TMTC4: variants seen among roughly 807,000 people sequenced by gnomAD.
The protein encoded by TMTC4 is transmembrane O-mannosyltransferase targeting cadherins 4, also known as protein O-mannosyl-transferase TMTC4.
In TMTC4, 65 loss-of-function variants were observed where a neutral mutation model predicts 86.0. That is an observed-to-expected ratio of 0.76 (90% CI 0.62 to 0.93). TMTC4 has a LOEUF of 0.93. Ranked by LOEUF, TMTC4 falls within the 40% of genes least tolerant of loss-of-function variation. The pLI is 0.00. For synonymous variants in TMTC4, 379 were observed against 382.5 expected (o/e 0.99, Z 0.11); for missense variants, 866 against 948.1 (o/e 0.91, Z 1.14).
chr13:100,658,419 T>C (rs1885367299), intron 5 of TMTC4, among the ~76,000 whole-genome samples: 1 of 152,116 alleles, frequency 6.6e-6, no homozygotes, highest in Non-Finnish European at 1.5e-5. Context: ...GAGCTGTGAC[T>C]ATCTACAGCA....
At chr13:100,635,645 T>C (rs1882114951) in intron 10 of TMTC4, 1 of 153,162 alleles carries the variant, frequency 6.5e-6, no homozygotes, top group Non-Finnish European at 1.5e-5. Flanking sequence ...CTTAAGTAAG[T>C]TTAAAGTTTA....
At chr13:100,628,508 C>T (rs1282838201) in intron 12 of TMTC4, among the ~76,000 whole-genome samples, 1 of 152,030 alleles carries the variant, frequency 6.6e-6, no homozygotes, top group Non-Finnish European at 1.5e-5. Context: ...GGATATTTGC[C>T]TGGAAATTGA....
chr13:100,630,688 C>T lies in TMTC4; in HGVS notation c.1506+4117G>A, dbSNP rs950838857. Among the ~76,000 whole-genome samples the T allele has an allele frequency of 2.0e-5, 3 of 152,258 alleles. No individual in the cohort carries two copies. In the East Asian group the frequency reaches 5.8e-4, roughly 29 times the overall value. On this transcript the variant is annotated intron_variant, in intron 12 of 18. Transcript: ENST00000342624. ...AGCTTCTACTCAGACATCAACACGACGCCCGCCTCTTCCGCCCCAAGCTCC... is the reference window on the plus strand; with the variant it reads ...AGCTTCTACTCAGACATCAACACGATGCCCGCCTCTTCCGCCCCAAGCTCC...
chr13:100,613,285 G>A (rs979269799), intron 16 of TMTC4, among the ~76,000 whole-genome samples: 2 of 151,978 alleles, frequency 1.3e-5, no homozygotes, highest in African/African-American at 4.8e-5. Flanking sequence ...CTAGTTCCAC[G>A]AGGTCCATTT....
chr13:100,674,993 CA>C (rs1389355261), upstream of TMTC4: 2 of 985,460 alleles, frequency 2.0e-6, no homozygotes, highest in African/African-American at 1.7e-5. Context: ...CTCCTCAGCT[CA>C]TTGGCGGACG....
chr13:100,610,791 G>A (rs1877439956), intron 17 of TMTC4, among the ~76,000 whole-genome samples: 1 of 152,190 alleles, frequency 6.6e-6, no homozygotes, highest in Non-Finnish European at 1.5e-5. Context: ...TATAAGCCAA[G>A]TCTTCAAGAA....
chr13:100,638,071 T>C (rs2138886536), intron 7 of TMTC4, 49 bp from the exon 8 acceptor site: 1 of 1,441,992 alleles, frequency 6.9e-7, no homozygotes, highest in East Asian at 2.3e-5. Flanking sequence ...TTGGCTGTGT[T>C]AGGCAGCAAT....
chr13:100,606,291 T>C (rs576187910), intron 18 of TMTC4, 67 bp downstream of exon 18: 4 of 1,335,208 alleles, frequency 3.0e-6, no homozygotes, highest in African/African-American at 2.9e-5. Flanking sequence ...ATTAATTTTA[T>C]AGACATGCAC....
chr13:100,625,363 CTTTAAAAAA>C, intron 15 of TMTC4, 163 bp downstream of exon 15: 1 of 904,106 alleles, frequency 1.1e-6, no homozygotes, highest in South Asian at 1.6e-5. Context: ...CTAATGAGAG[CTTTAAAAAA>C]TTACTCAAAA....
chr13:100,615,299 G>A (rs752080692), intron 15 of TMTC4, among the ~76,000 whole-genome samples: 1 of 151,692 alleles, frequency 6.6e-6, no homozygotes, highest in Non-Finnish European at 1.5e-5. Context: ...CACCATGCCC[G>A]GCAAATTTTT....
At chr13:100,672,359 C>T (rs1030734585) in intron 1 of TMTC4, among the ~76,000 whole-genome samples, 2 of 152,186 alleles carry the variant, frequency 1.3e-5, no homozygotes, top group Non-Finnish European at 2.9e-5. Flanking sequence ...GCACAGTGAC[C>T]TTGTTCCCAA....
chr13:100,630,222 C>T (rs1234175625), intron 12 of TMTC4, among the ~76,000 whole-genome samples: 1 of 152,176 alleles, frequency 6.6e-6, no homozygotes, highest in Non-Finnish European at 1.5e-5. Flanking sequence ...TCTTAACCTA[C>T]AGTTACAGCA....
intron 15 of TMTC4, among the ~76,000 whole-genome samples, chr13:100,623,475 C>T (rs956888496): frequency 7.9e-5 from 12 of 152,148 alleles, no homozygotes; most frequent in African/African-American, 1.9e-4. Flanking sequence ...TCAAGTGATC[C>T]GCCCGCCTTG....
intron 2 of TMTC4, among the ~76,000 whole-genome samples, chr13:100,670,017 C>A (rs549794821): frequency 6.6e-6 from 1 of 152,036 alleles, no homozygotes; most frequent in Non-Finnish European, 1.5e-5. Flanking sequence ...CAGGGGAGGC[C>A]GGCTACTATT....
Position 100,635,115 on chromosome 13 carries a change from AC to A in TMTC4, c.1282del (p.Val428SerfsTer17). Reference sequence around the variant, plus strand: ...GGGGAGGTAGAGGACACGCTCTGCGACCACGAAGCCCACTCGGAAGAACAGG... The same window carrying A: ...GGGGAGGTAGAGGACACGCTCTGCGACACGAAGCCCACTCGGAAGAACAGG... ...SNLFFRVGFV[V>X]AERVLYLPSV... On this transcript the variant is annotated frameshift_variant, in exon 11 of 19. Coordinates refer to ENST00000342624, the MANE Select transcript of TMTC4 (RefSeq NM_032813.5). LOFTEE classifies it high-confidence loss of function. The A allele has an allele frequency of 6.2e-7, 1 of 1,614,160 alleles. No individual in the cohort carries two copies. Among genetic ancestry groups the A allele is most frequent in the Non-Finnish European group, 8.5e-7 (1 of 1,180,036 alleles).
chr13:100,610,572 G>A (rs891321990), intron 17 of TMTC4, among the ~76,000 whole-genome samples: 2 of 152,138 alleles, frequency 1.3e-5, no homozygotes, highest in African/African-American at 4.8e-5. Context: ...CCAGTGCTTT[G>A]GCCTTGATAA....
intron 1 of TMTC4, among the ~76,000 whole-genome samples, chr13:100,671,247 C>T (rs984667520): frequency 6.6e-6 from 1 of 152,146 alleles, no homozygotes; most frequent in Non-Finnish European, 1.5e-5. Context: ...ACCCTCCTGC[C>T]TCGGTCTCCC....
At position 100,612,605 on chromosome 13, in the gene TMTC4, A is replaced by G; in HGVS notation, c.1952-95T>C. 3 of 797,382 alleles carry G rather than the reference A, an allele frequency of 3.8e-6. No individual in the cohort carries two copies. The South Asian group carries it at 4.7e-5, about 13-fold the overall frequency. The allele number at this position is 797,382 out of a possible 1,614,324, so 49.4% of individuals were successfully genotyped here. The stretch of plus-strand genomic sequence containing the variant: ...CTAACAGGGTTTATGTGCACAGCAC[A>G]TGACAATTATGAATAAACTACTTAA... On this transcript the variant is annotated intron_variant, in intron 16 of 18. Coordinates refer to ENST00000342624, the MANE Select transcript of TMTC4 (RefSeq NM_032813.5).
chr13:100,642,685 C>A (rs891068070), intron 6 of TMTC4, among the ~76,000 whole-genome samples: 1 of 152,142 alleles, frequency 6.6e-6, no homozygotes, highest in Non-Finnish European at 1.5e-5. Flanking sequence ...GCAAACAGTC[C>A]ATCTGGTTTC....
Sources: allele counts gnomAD v4.1 joint callset (sites outside exome capture counted in the v4.1 genomes callset), GRCh38; gene constraint gnomAD v4.1.1; transcripts MANE v1.5; gene names NCBI Gene and HGNC (gene_info 2026-07-23, HGNC 2026-07-21).